The following ARHGAP35 variants were observed in gnomAD, a reference collection of about 807,000 sequenced individuals.
ARHGAP35 encodes rho GTPase-activating protein 35.
A neutral mutation model predicts 111.1 loss-of-function variants in ARHGAP35; 15 were observed. That is an observed-to-expected ratio of 0.13 (90% CI 0.09 to 0.21). The LOEUF (loss-of-function observed/expected upper bound fraction) is 0.21, where lower values mean the gene tolerates loss of function less well. Ranked by LOEUF, ARHGAP35 falls within the 10% of genes least tolerant of loss-of-function variation. The pLI, the probability that ARHGAP35 is intolerant of heterozygous loss-of-function variation, is 1.00. For synonymous variants in ARHGAP35, 643 were observed against 710.3 expected, an observed-to-expected ratio of 0.91 and a Z score of 1.51; for missense variants, 1,262 against 1,873.0, an observed-to-expected ratio of 0.67 and a Z score of 6.02.
chr19:46,971,145 C>T (rs1334682757), intron 3 of ARHGAP35, among the ~76,000 whole-genome samples: 1 of 152,142 alleles, frequency 6.6e-6, no homozygotes, highest in African/African-American at 2.4e-5. Flanking sequence ...CGGTGACTGA[C>T]GCCTATAATG....
chr19:46,951,874 C>T (rs889614475), intron 3 of ARHGAP35, among the ~76,000 whole-genome samples: 8 of 152,194 alleles, frequency 5.3e-5, no homozygotes, highest in African/African-American at 1.4e-4. Context: ...CATAGCAGGG[C>T]GGGTCAGAGC....
rs536051757 is a variant in ARHGAP35 at position 46,901,821 on chromosome 19, C to G, written c.-188-16667C>G. Among the ~76,000 whole-genome samples, 17 of 152,290 alleles carry G rather than the reference C, an allele frequency of 1.1e-4. No individual in the cohort carries two copies. The highest frequency in any genetic ancestry group is 2.4e-4 in the Non-Finnish European group (16 of 68,016). On this transcript the variant is annotated intron_variant, in intron 1 of 6. Coordinates refer to ENST00000672722, the MANE Select transcript of ARHGAP35 (RefSeq NM_004491.5). The surrounding 1 kb of genome is among the most constrained non-coding windows in gnomAD (Gnocchi z 4.5). The stretch of plus-strand genomic sequence containing the variant: ...ACTTACCTGTCTCCTTGAAGAACAT[C>G]ATTGTCCAGTGATCCTGCTGACAGA...
At chr19:46,942,920 A>T (rs912973060) in intron 3 of ARHGAP35, among the ~76,000 whole-genome samples, 1 of 151,854 alleles carries the variant, frequency 6.6e-6, no homozygotes, top group Non-Finnish European at 1.5e-5. Flanking sequence ...ACGTAAAACT[A>T]TATGTTATAG....
At chr19:46,929,591 CTTT>C (rs55818906) in intron 2 of ARHGAP35, among the ~76,000 whole-genome samples, 458 of 93,032 alleles carry the variant, frequency 4.9e-3, no homozygotes, top group Non-Finnish European at 7.8e-3. Context: ...ACCTGTTACT[CTTT>C]TTTTTTTTTT....
rs887818817 is a variant in ARHGAP35 at position 46,921,552 on chromosome 19, G to A, written c.2877G>A (p.Glu959=). 3.7e-6 allele frequency: 6 copies of A among 1,613,830 alleles called. No homozygotes were observed. Among genetic ancestry groups the A allele is most frequent in the Middle Eastern group, 1.6e-4 (1 of 6,062 alleles). ...CTCATATGTACGATAATGCTGCCGA[G>A]GCCTGTAGCACCACCGAAGAGGTGT... The part of the protein sequence containing the change: ...EATHMYDNAA[E]ACSTTEEVFN... The change falls in exon 2 of 7, where the codon GAG becomes GAA. Residue 959 remains glutamate (E), a synonymous_variant. Transcript: ENST00000672722. The surrounding 1 kb of genome is among the most constrained non-coding windows in gnomAD (Gnocchi z 4.3).
At chr19:46,978,337 G>T (rs1187350795) in intron 3 of ARHGAP35, among the ~76,000 whole-genome samples, 2 of 152,204 alleles carry the variant, frequency 1.3e-5, no homozygotes, top group African/African-American at 4.8e-5. Context: ...TGGGAATCAG[G>T]AACCTGAAGG....
At chr19:46,869,508 G>GTA (rs1301347020) in intron 1 of ARHGAP35, among the ~76,000 whole-genome samples, 5 of 150,110 alleles carry the variant, frequency 3.3e-5, no homozygotes, top group Non-Finnish European at 5.9e-5. Flanking sequence ...GTGTGTGTGT[G>GTA]TATTTGCATT....
At chr19:46,996,766 AC>A (rs2056711235) in intron 5 of ARHGAP35, among the ~76,000 whole-genome samples, 1 of 152,180 alleles carries the variant, frequency 6.6e-6, no homozygotes, top group Non-Finnish European at 1.5e-5. Flanking sequence ...GTTTTCTAAT[AC>A]GGTCTTCTGT....
intron 3 of ARHGAP35, among the ~76,000 whole-genome samples, chr19:46,985,821 C>T (rs10500296): frequency 6.6e-6 from 1 of 152,012 alleles, no homozygotes; most frequent in African/African-American, 2.4e-5. Flanking sequence ...GGCCTTGGTG[C>T]AATTAACAGC....
rs761854427 is a variant in ARHGAP35 at position 46,921,782 on chromosome 19, A to G, written c.3107A>G (p.Lys1036Arg). ...MSNFESKLNNKVPPPVKPKPP... is the reference protein window; with the variant it reads ...MSNFESKLNNRVPPPVKPKPP... ...AATTTTGAGAGTAAACTGAACAACA[A>G]AGTACCTCCGCCAGTCAAACCAAAG... Residue 1036 changes from lysine to arginine, a missense_variant, in exon 2 of 7, where the codon AAA becomes AGA. Around this residue, in one of 8 missense-constraint regions of ARHGAP35, gnomAD observed 579 missense variants for 716.9 expected, o/e 0.81. Transcript: ENST00000672722. This position sits in a 1 kb window ranked among gnomAD's most constrained non-coding sequence, Gnocchi z 4.3. 3.1e-6 allele frequency: 5 copies of G among 1,613,990 alleles called. No individual in the cohort carries two copies. Among genetic ancestry groups the G allele is most frequent in the South Asian group, 1.1e-5 (1 of 91,086 alleles).
At chr19:46,900,283 G>A (rs1355514009) in intron 1 of ARHGAP35, among the ~76,000 whole-genome samples, 1 of 147,032 alleles carries the variant, frequency 6.8e-6, no homozygotes, top group Non-Finnish European at 1.5e-5. Flanking sequence ...GTGCAGTGGT[G>A]CAATCTCGGC....
intron 1 of ARHGAP35, among the ~76,000 whole-genome samples, chr19:46,865,750 G>T (rs2055852118): frequency 6.6e-6 from 1 of 152,228 alleles, no homozygotes; most frequent in African/African-American, 2.4e-5. Flanking sequence ...CTCCTGAGAG[G>T]TGTTAGGCCG....
intron 2 of ARHGAP35, among the ~76,000 whole-genome samples, chr19:46,923,001 G>C (rs1290802046): frequency 6.6e-6 from 1 of 151,852 alleles, no homozygotes; most frequent in South Asian, 2.1e-4. Flanking sequence ...TTTTATTTAG[G>C]GATCACAAAT....
At chr19:46,978,148 G>A (rs2056589228) in intron 3 of ARHGAP35, among the ~76,000 whole-genome samples, 1 of 152,208 alleles carries the variant, frequency 6.6e-6, no homozygotes. Context: ...CACATGTTGA[G>A]AAGTTTGTGT....
In ARHGAP35 at chr19:47,000,890, T is replaced by C; in HGVS notation, c.*202T>C. 2 of 1,532,748 alleles carry C rather than the reference T, an allele frequency of 1.3e-6. No homozygotes were observed. The highest frequency in any genetic ancestry group is 8.7e-7 in the Non-Finnish European group (1 of 1,145,274). 94.9% of individuals were successfully genotyped at this position (1,532,748 alleles called of 1,614,324 possible). ...TACCCTGGGCCTGGCGCTGCAGACCTGAGCTGGCTTGGACCCATTTGAGGA... is the reference window on the plus strand; with the variant it reads ...TACCCTGGGCCTGGCGCTGCAGACCCGAGCTGGCTTGGACCCATTTGAGGA... On this transcript the variant is annotated 3_prime_UTR_variant, in exon 7 of 7. Transcript: ENST00000672722. This position sits in a 1 kb window ranked among gnomAD's most constrained non-coding sequence, Gnocchi z 6.9.
chr19:46,861,865 C>G (rs62136771), intron 1 of ARHGAP35, among the ~76,000 whole-genome samples: 56 of 152,222 alleles, frequency 3.7e-4, no homozygotes, highest in Non-Finnish European at 6.8e-4. Flanking sequence ...CCAGGCACTG[C>G]TGCCCCAGGT....
Position 46,922,434 on chromosome 19 carries a change from G to A in ARHGAP35, c.3681+78G>A. The A allele has an allele frequency of 1.5e-6, 2 of 1,357,278 alleles. No individual in the cohort carries two copies. The highest frequency in any genetic ancestry group is 1.9e-6 in the Non-Finnish European group (2 of 1,028,864). The allele number at this position is 1,357,278 out of a possible 1,614,324, so 84.1% of individuals were successfully genotyped here. On this transcript the variant is annotated intron_variant, in intron 2 of 6. Transcript: ENST00000672722. The surrounding 1 kb of genome is among the most constrained non-coding windows in gnomAD (Gnocchi z 4.0). ...GGGTTGATTGATGATGATTTTTCAA[G>A]GACAACCTATTCTGGTAAAAAAAAA... is the stretch of plus-strand genomic sequence containing the variant.
intron 2 of ARHGAP35, among the ~76,000 whole-genome samples, chr19:46,931,542 C>A (rs73057387): frequency 0.024 from 3,714 of 152,294 alleles, 72 homozygotes; most frequent in Middle Eastern, 0.058. Flanking sequence ...CACCATTTCT[C>A]CCCAGTGCAC....
intron 1 of ARHGAP35, among the ~76,000 whole-genome samples, chr19:46,888,263 T>C (rs1356979031): frequency 1.5e-3 from 1 of 680 alleles, no homozygotes. Context: ...CAATCAATAA[T>C]ATATATATAT....
Sources: gnomAD v4.1 joint callset for allele counts (sites outside exome capture counted in the v4.1 genomes callset) on GRCh38, gnomAD v4.1.1 for gene constraint, gnomAD v4.1.1 regional missense constraint, Gnocchi (gnomAD v3.1) non-coding constraint, MANE v1.5 for transcripts, NCBI Gene and HGNC (gene_info 2026-07-23, HGNC 2026-07-21) for gene names.